CIMAP3: variants seen among roughly 807,000 people sequenced by gnomAD.
CIMAP3 encodes the protein ciliary microtubule-associated protein 3.
chr1:111,336,935 G>C, the CIMAP3 span, among the ~76,000 whole-genome samples: 1 of 151,636 alleles, frequency 6.6e-6, no homozygotes, highest in East Asian at 1.9e-4. Flanking sequence ...AAATGTTAAG[G>C]GCAGCCAGAG....
chr1:111,327,775 C>A, the CIMAP3 span, among the ~76,000 whole-genome samples: 1 of 151,500 alleles, frequency 6.6e-6, no homozygotes, highest in Non-Finnish European at 1.5e-5. Flanking sequence ...AGCTAGTGGC[C>A]TATTTTATTA....
At chr1:111,347,143 G>C in the CIMAP3 span, 1 of 1,401,118 alleles carries the variant, frequency 7.1e-7, no homozygotes, top group Non-Finnish European at 9.6e-7. Flanking sequence ...AATTCTGTGG[G>C]ACTTGAGATC....
At chr1:111,351,200 G>A in the CIMAP3 span, 18 of 765,400 alleles carry the variant, frequency 2.4e-5, no homozygotes, top group Non-Finnish European at 3.7e-5. Context: ...TAACTGGGAA[G>A]ACCAGAGGCA....
chr1:111,347,631 T>TTTTTTGGTG, the CIMAP3 span: 1 of 1,201,680 alleles, frequency 8.3e-7, no homozygotes. Context: ...TCTTTTTTTT[T>TTTTTTGGTG]TTTTTTGGTG....
At chr1:111,345,100 A>G in the CIMAP3 span, among the ~76,000 whole-genome samples, 1 of 152,196 alleles carries the variant, frequency 6.6e-6, no homozygotes, top group South Asian at 2.1e-4. Flanking sequence ...GGTTTGTGTT[A>G]AATATAGTCT....
the CIMAP3 span, chr1:111,351,453 CAG>C: frequency 1.3e-6 from 1 of 747,184 alleles, no homozygotes; most frequent in East Asian, 2.8e-5. Context: ...CAGGGAGGGA[CAG>C]GGGCTTATAG....
At chr1:111,330,409 T>G in the CIMAP3 span, among the ~76,000 whole-genome samples, 2 of 152,212 alleles carry the variant, frequency 1.3e-5, no homozygotes, top group African/African-American at 4.8e-5. Flanking sequence ...GGGCCTTTAT[T>G]TGAAGCTGAC....
At chr1:111,327,820 T>A in the CIMAP3 span, among the ~76,000 whole-genome samples, 1 of 136,300 alleles carries the variant, frequency 7.3e-6, no homozygotes, top group Non-Finnish European at 1.7e-5. Context: ...ATTCACTGAT[T>A]TTTTGAATTT....
At chr1:111,336,957 G>T in the CIMAP3 span, among the ~76,000 whole-genome samples, 1 of 151,780 alleles carries the variant, frequency 6.6e-6, no homozygotes, top group Non-Finnish European at 1.5e-5. Context: ...GAAAGGTCGG[G>T]TTACCCACAA....
At chr1:111,331,533 G>A in the CIMAP3 span, among the ~76,000 whole-genome samples, 1 of 151,900 alleles carries the variant, frequency 6.6e-6, no homozygotes, top group Non-Finnish European at 1.5e-5. Flanking sequence ...TTCAGCTCTA[G>A]GATTTGTTTG....
the CIMAP3 span, among the ~76,000 whole-genome samples, chr1:111,338,746 T>A: frequency 2.6e-5 from 4 of 152,078 alleles, no homozygotes; most frequent in East Asian, 3.9e-4. Flanking sequence ...CAGGACCAGA[T>A]GGATTCACAG....
At chr1:111,326,174 C>T in the CIMAP3 span, among the ~76,000 whole-genome samples, 1 of 152,142 alleles carries the variant, frequency 6.6e-6, no homozygotes, top group Non-Finnish European at 1.5e-5. Context: ...GTCCTCTCTT[C>T]CAGTTACTTT....
At chr1:111,332,507 A>G in the CIMAP3 span, among the ~76,000 whole-genome samples, 2 of 152,120 alleles carry the variant, frequency 1.3e-5, no homozygotes, top group African/African-American at 4.8e-5. Flanking sequence ...TGCAGACAGT[A>G]GACCACAGGG....
chr1:111,327,326 G>T, the CIMAP3 span, among the ~76,000 whole-genome samples: 20,988 of 151,926 alleles, frequency 0.14, 1,532 homozygotes, highest in African/African-American at 0.16. Context: ...TCTCCTTGTT[G>T]TGTCTGTGCC....
chr1:111,341,046 T>C, the CIMAP3 span, among the ~76,000 whole-genome samples: 2 of 150,848 alleles, frequency 1.3e-5, no homozygotes, highest in Admixed American at 1.3e-4. Context: ...GATGAGTTCA[T>C]GTCCTTTGTA....
At chr1:111,341,419 T>C in the CIMAP3 span, among the ~76,000 whole-genome samples, 1 of 152,124 alleles carries the variant, frequency 6.6e-6, no homozygotes. Context: ...ATATCAGATA[T>C]ATAGAAAGGG....
chr1:111,346,694 C>G, the CIMAP3 span: 1 of 1,611,310 alleles, frequency 6.2e-7, no homozygotes, highest in Non-Finnish European at 8.5e-7. Flanking sequence ...GCCGAGAAGC[C>G]TAGAGTAGAG....
chr1:111,329,070 T>C, the CIMAP3 span, among the ~76,000 whole-genome samples: 2 of 152,236 alleles, frequency 1.3e-5, no homozygotes, highest in Non-Finnish European at 2.9e-5. Context: ...CATTTACTTA[T>C]CTAAAAAGGA....
chr1:111,343,897 A>G, the CIMAP3 span, among the ~76,000 whole-genome samples: 2 of 152,180 alleles, frequency 1.3e-5, no homozygotes, highest in Admixed American at 6.5e-5. Flanking sequence ...TTAGGCTCTT[A>G]CCTAAGAAGT....
Sources: gnomAD v4.1 joint callset for allele counts (sites outside exome capture counted in the v4.1 genomes callset) on GRCh38, gnomAD v4.1.1 for gene constraint, MANE v1.5 for transcripts, NCBI Gene and HGNC (gene_info 2026-07-23, HGNC 2026-07-21) for gene names.